Variants in ZNF451 observed in about 807,000 individuals in gnomAD.
The protein encoded by ZNF451 is zinc finger protein 451, also known as E3 SUMO-protein ligase ZNF451.
Under a neutral mutation model 107.1 loss-of-function variants are expected in ZNF451, and 80 were observed. The ratio of observed to expected loss-of-function variants is 0.75; its 90% CI spans 0.62 to 0.90. The LOEUF (loss-of-function observed/expected upper bound fraction) is 0.90. ZNF451 is among the 40% of genes least tolerant of loss of function. ZNF451 has a pLI of 0.00. For missense variants in ZNF451, 1,107 were observed against 1,236.2 expected (o/e 0.90, Z 1.57); for synonymous variants, 362 against 406.5 (o/e 0.89, Z 1.32).
At position 57,099,069 on chromosome 6, in the gene ZNF451, A is replaced by G. The variant is rs1829460850; in HGVS notation, c.114A>G (p.Pro38=). 2 of 1,613,588 alleles carry G rather than the reference A, an allele frequency of 1.2e-6. No individual in the cohort carries two copies. Among genetic ancestry groups the G allele is most frequent in the Non-Finnish European group, 1.7e-6 (2 of 1,179,590 alleles). ...EDDIQFVSEG[P]LRPVLEYIDL... is the part of the protein sequence containing the mutation. ...TGCTTGATTGTTTATAGGAAGGACC[A>G]TTACGACCTGTTCTTGAATACATTG... The change falls in exon 3 of 15, where the codon CCA becomes CCG. Residue 38 remains proline, a synonymous_variant. Coordinates refer to ENST00000370706, the MANE Select transcript of ZNF451 (RefSeq NM_001031623.3).
In ZNF451 at chr6:57,128,821, C is replaced by T. The variant is rs185996983; in HGVS notation, c.405C>T (p.Asp135=). The change falls in exon 5 of 15, where the codon GAC becomes GAT. Residue 135 remains aspartate, a synonymous_variant. Coordinates refer to ENST00000370706, the MANE Select transcript of ZNF451 (RefSeq NM_001031623.3). ...SDTEAARLCV[D]QWLKMPGLKT... ...CAGAAGCAGCAAGACTGTGTGTGGA[C>T]CAGTGGCTAAAAATGCCAGGTATTC... 155 of 1,610,202 alleles carry T rather than the reference C, an allele frequency of 9.6e-5. 1 individual carries two copies. In the East Asian group the frequency reaches 2.4e-3, roughly 25 times the overall value.
chr6:57,162,514 T>G (rs1480326093), intron 14 of ZNF451, among the ~76,000 whole-genome samples: 2 of 152,238 alleles, frequency 1.3e-5, no homozygotes, highest in Non-Finnish European at 2.9e-5. Flanking sequence ...CCCAGCATGG[T>G]CTTTCAAGGT....
At chr6:57,138,704 CATATATATATATAT>C (rs60629541) in intron 7 of ZNF451, among the ~76,000 whole-genome samples, 108 of 43,736 alleles carry the variant, frequency 2.5e-3, no homozygotes, top group African/African-American at 3.0e-3. Context: ...GCAGCTATGC[CATATATATATATAT>C]ATATATATAT....
intron 7 of ZNF451, among the ~76,000 whole-genome samples, chr6:57,136,797 C>A (rs1380858782): frequency 6.6e-6 from 1 of 151,950 alleles, no homozygotes; most frequent in East Asian, 1.9e-4. Flanking sequence ...TTTTTTTCCC[C>A]AAATTTCATT....
intron 9 of ZNF451, among the ~76,000 whole-genome samples, chr6:57,144,345 A>C (rs1313528179): frequency 7.0e-6 from 1 of 142,758 alleles, no homozygotes; most frequent in African/African-American, 2.6e-5. Context: ...AGTTCAAGTG[A>C]TTCTCGTGCC....
At chr6:57,116,647 T>A (rs1301047504) in intron 3 of ZNF451, 2 of 152,186 alleles carry the variant, frequency 1.3e-5, no homozygotes, top group Admixed American at 6.5e-5. Context: ...TATACCCGTT[T>A]TCTCAGTTTT....
intron 13 of ZNF451, chr6:57,158,600 T>C (rs1763535412): frequency 1.0e-6 from 1 of 985,310 alleles, no homozygotes; most frequent in Non-Finnish European, 1.2e-6. Context: ...TTCAAAGAAA[T>C]TCACTAGAAA....
intron 3 of ZNF451, chr6:57,107,397 C>T: frequency 1.0e-6 from 1 of 984,176 alleles, no homozygotes; most frequent in Non-Finnish European, 1.2e-6. Flanking sequence ...TTCTAATGTC[C>T]CTTTTAAAAA....
At chr6:57,140,107 G>A (rs1285041914) in intron 7 of ZNF451, among the ~76,000 whole-genome samples, 4 of 152,058 alleles carry the variant, frequency 2.6e-5, no homozygotes, top group Non-Finnish European at 5.9e-5. Flanking sequence ...ATTAATTTCA[G>A]TAACAAAGGA....
chr6:57,160,207 T>C (rs75044133), intron 13 of ZNF451, among the ~76,000 whole-genome samples: 2 of 152,216 alleles, frequency 1.3e-5, no homozygotes, highest in Non-Finnish European at 2.9e-5. Context: ...ACATTTGTCA[T>C]AATTCACGGA....
At chr6:57,109,917 G>A (rs1010401292) in intron 3 of ZNF451, among the ~76,000 whole-genome samples, 3 of 152,206 alleles carry the variant, frequency 2.0e-5, no homozygotes, top group African/African-American at 7.2e-5. Flanking sequence ...CAGGTATTGA[G>A]AAAGGTCTGA....
intron 13 of ZNF451, chr6:57,158,561 G>A (rs575166760): frequency 1.0e-6 from 1 of 985,404 alleles, no homozygotes; most frequent in African/African-American, 1.7e-5. Flanking sequence ...GCACTGCAGT[G>A]AGCTTATTGG....
In ZNF451 at chr6:57,097,225, G is replaced by A. The variant is rs561885060; in HGVS notation, c.106-1836G>A. On this transcript the variant is annotated intron_variant, in intron 2 of 14. Coordinates refer to ENST00000370706, the MANE Select transcript of ZNF451 (RefSeq NM_001031623.3). ...TTCCTTTGCTACAGATCCCTGCCCA[G>A]TTTTGCCCTCTTGTTTTATCTTGGT... is the stretch of plus-strand genomic sequence containing the variant. 3.3e-5 allele frequency among the ~76,000 whole-genome samples: 5 copies of A among 152,266 alleles called. No homozygotes were observed. In the South Asian group the frequency reaches 6.2e-4, roughly 19 times the overall value.
In ZNF451 at chr6:57,147,203, A is replaced by G; in HGVS notation, c.1118A>G (p.Asp373Gly). ...YCPDCNQVFV[D>G]ETSTQNHKQN... The stretch of plus-strand genomic sequence containing the variant: ...CCAGATTGCAATCAAGTCTTTGTGG[A>G]TGAAACCAGCACCCAAAATCATAAG... Residue 373 changes from aspartate (D) to glycine (G), a missense_variant, in exon 10 of 15, where the codon GAT becomes GGT. Asp to Gly is a moderately conservative substitution (Grantham distance 94). Coordinates refer to ENST00000370706, the MANE Select transcript of ZNF451 (RefSeq NM_001031623.3). The G allele has an allele frequency of 6.2e-7, 1 of 1,614,090 alleles. No individual in the cohort carries two copies. The highest frequency in any genetic ancestry group is 2.2e-5 in the East Asian group (1 of 44,870).
chr6:57,123,212 T>G (rs1830729016), intron 3 of ZNF451, among the ~76,000 whole-genome samples: 1 of 152,294 alleles, frequency 6.6e-6, no homozygotes, highest in South Asian at 2.1e-4. Context: ...ACATGTATGT[T>G]CATAGCAGCA....
rs1356889182 is a variant in ZNF451 at position 57,169,558 on chromosome 6, A to G, written c.*1089A>G. 6.6e-6 allele frequency: 1 copy of G among 152,146 alleles called. No individual in the cohort carries two copies. Among genetic ancestry groups the G allele is most frequent in the Non-Finnish European group, 1.5e-5 (1 of 68,010 alleles). 9.4% of individuals were successfully genotyped at this position (152,146 alleles called of 1,614,324 possible). On this transcript the variant is annotated 3_prime_UTR_variant, in exon 15 of 15. Coordinates refer to ENST00000370706, the MANE Select transcript of ZNF451 (RefSeq NM_001031623.3). ...GTAGTAATTATTTACCAAACTTAAA[A>G]ACATTTCTATAAATATAAAGCTTTT...
At chr6:57,094,199 G>T (rs1417602361) in intron 2 of ZNF451, among the ~76,000 whole-genome samples, 7 of 152,256 alleles carry the variant, frequency 4.6e-5, no homozygotes. Flanking sequence ...TAGAATATTG[G>T]TTTAACTGTT....
chr6:57,101,576 G>A (rs1593082289), intron 3 of ZNF451: 1 of 1,550,888 alleles, frequency 6.4e-7, no homozygotes, highest in Non-Finnish European at 8.7e-7. Context: ...ATTGCAGCCC[G>A]AGCTGCTAGC....
In ZNF451 at chr6:57,148,136, G is replaced by A; in HGVS notation, c.2051G>A (p.Ser684Asn). 6.2e-7 allele frequency: 1 copy of A among 1,614,000 alleles called. No homozygotes were observed. The highest frequency in any genetic ancestry group is 8.5e-7 in the Non-Finnish European group (1 of 1,179,964). Residue 684 changes from serine to asparagine, a missense_variant, in exon 10 of 15, where the codon AGT becomes AAT. Coordinates refer to ENST00000370706, the MANE Select transcript of ZNF451 (RefSeq NM_001031623.3). The part of the protein sequence containing the change: ...LIFNVEEAFL[S>N]HYEEHHSIDY... The stretch of plus-strand genomic sequence containing the variant: ...TTTAATGTGGAAGAAGCATTTCTGA[G>A]TCATTATGAGGAGCACCACAGCATA...
Sources: gnomAD v4.1 joint callset for allele counts (sites outside exome capture counted in the v4.1 genomes callset) on GRCh38, gnomAD v4.1.1 for gene constraint, MANE v1.5 for transcripts, NCBI Gene and HGNC (gene_info 2026-07-23, HGNC 2026-07-21) for gene names.